The following TRIM44 variants were observed in gnomAD, a reference collection of about 807,000 sequenced individuals.
TRIM44 encodes tripartite motif containing 44.
In TRIM44, 13 loss-of-function variants were observed where a neutral mutation model predicts 37.4. The ratio of observed to expected loss-of-function variants is 0.35; its 90% CI spans 0.23 to 0.55. The LOEUF (loss-of-function observed/expected upper bound fraction) is 0.55. TRIM44 is among the 20% of genes least tolerant of loss of function. The pLI is 0.89. For missense variants in TRIM44, 426 were observed against 437.2 expected, an observed-to-expected ratio of 0.97 and a Z score of 0.23; for synonymous variants, 175 against 157.2, an observed-to-expected ratio of 1.11 and a Z score of -0.85.
chr11:35,795,588 A>T (rs1419062770), intron 4 of TRIM44, among the ~76,000 whole-genome samples: 4 of 152,222 alleles, frequency 2.6e-5, no homozygotes, highest in South Asian at 2.1e-4. Context: ...TTATTTTTTA[A>T]ATGGCCTGTA....
intron 4 of TRIM44, among the ~76,000 whole-genome samples, chr11:35,746,471 A>G (rs1175556686): frequency 1.1e-4 from 1 of 9,076 alleles, no homozygotes; most frequent in African/African-American, 4.2e-4. Flanking sequence ...TTTTTTTTGT[A>G]GCTCTATGTC....
intron 1 of TRIM44, among the ~76,000 whole-genome samples, chr11:35,672,852 A>G (rs1851413628): frequency 6.6e-6 from 1 of 152,166 alleles, no homozygotes; most frequent in Admixed American, 6.5e-5. Context: ...TTCTAATTAG[A>G]GTTTGTAGCA....
intron 2 of TRIM44, among the ~76,000 whole-genome samples, chr11:35,708,971 G>GA: frequency 1.0e-5 from 1 of 96,526 alleles, no homozygotes; most frequent in African/African-American, 5.3e-5. Context: ...AACATGCACT[G>GA]ATGTTGCCAT....
chr11:35,742,472 AATT>A (rs112029099), intron 4 of TRIM44, among the ~76,000 whole-genome samples: 2,687 of 134,328 alleles, frequency 0.02, 115 homozygotes, highest in African/African-American at 0.058. Context: ...CAATTAATAT[AATT>A]ATATTAATTG....
At chr11:35,723,714 A>T (rs141229309) in intron 2 of TRIM44, among the ~76,000 whole-genome samples, 1 of 152,332 alleles carries the variant, frequency 6.6e-6, no homozygotes, top group African/African-American at 2.4e-5. Context: ...CCACATGTGT[A>T]TGTGAAGTCT....
rs1853511310 is a variant in TRIM44 at position 35,810,169 on chromosome 11, C to CT, written c.*3785dup. ...CCAGCCATTTTGGTGACCTGAGAGT[C>CT]TAACTACTCCAGTTAGACCTAAGGG... On this transcript the variant is annotated 3_prime_UTR_variant, in exon 5 of 5. Transcript: ENST00000299413. The CT allele has an allele frequency of 6.6e-6, 1 of 152,134 alleles. No individual in the cohort carries two copies. The highest frequency in any genetic ancestry group is 6.6e-5 in the Admixed American group (1 of 15,266). 9.4% of individuals were successfully genotyped at this position (152,134 alleles called of 1,614,324 possible).
At chr11:35,790,322 A>G (rs986345964) in intron 4 of TRIM44, among the ~76,000 whole-genome samples, 4 of 152,180 alleles carry the variant, frequency 2.6e-5, no homozygotes, top group African/African-American at 9.7e-5. Flanking sequence ...AACAATTTTA[A>G]TAGGGACTTT....
chr11:35,801,961 G>A (rs776984105), intron 4 of TRIM44, among the ~76,000 whole-genome samples: 3 of 151,734 alleles, frequency 2.0e-5, no homozygotes, highest in Non-Finnish European at 2.9e-5. Context: ...AGTGTAAATC[G>A]TTGCTAAGGG....
chr11:35,712,623 C>T (rs538832343), intron 2 of TRIM44, among the ~76,000 whole-genome samples: 1 of 152,252 alleles, frequency 6.6e-6, no homozygotes, highest in African/African-American at 2.4e-5. Context: ...ATAAAATTAA[C>T]ACTTTGTGAT....
chr11:35,716,472 T>A (rs1187950745), intron 2 of TRIM44, among the ~76,000 whole-genome samples: 1 of 151,954 alleles, frequency 6.6e-6, no homozygotes, highest in Non-Finnish European at 1.5e-5. Context: ...TGGAAGGGAA[T>A]ACAAATAAAA....
rs1415145614 is a variant in TRIM44, at chr11:35,817,742, A to T, written c.*11357A>T. The T allele has an allele frequency of 1.3e-5, 2 of 152,112 alleles. No homozygotes were observed. Among genetic ancestry groups the T allele is most frequent in the African/African-American group, 2.4e-5 (1 of 41,430 alleles). 9.4% of individuals were successfully genotyped at this position (152,112 alleles called of 1,614,324 possible). A position where few individuals can be genotyped will look rare whatever the true frequency, so the allele number is the denominator to read the frequency against. On this transcript the variant is annotated 3_prime_UTR_variant, in exon 5 of 5. Coordinates refer to ENST00000299413, the MANE Select transcript of TRIM44 (RefSeq NM_017583.6). ...AGGTGGGACCTGGTGGGAAGATTGG[A>T]TCATGGGGGAGTTTTCTCATGATTT...
intron 2 of TRIM44, among the ~76,000 whole-genome samples, chr11:35,703,302 C>T (rs1052142973): frequency 2.0e-5 from 3 of 152,234 alleles, no homozygotes; most frequent in Non-Finnish European, 4.4e-5. Flanking sequence ...GGCCTGCCTG[C>T]CTCTGTAGGC....
rs146911837 is a variant in TRIM44 at position 35,803,636 on chromosome 11, G to A, written c.1008-2722G>A. Among the ~76,000 whole-genome samples the A allele has an allele frequency of 5.1e-3, 778 of 152,232 alleles. 9 individuals carry two copies. Among genetic ancestry groups the A allele is most frequent in the African/African-American group, 0.018 (738 of 41,532 alleles). On this transcript the variant is annotated intron_variant, in intron 4 of 4. Coordinates refer to ENST00000299413, the MANE Select transcript of TRIM44 (RefSeq NM_017583.6). The stretch of plus-strand genomic sequence containing the variant: ...CTCAGGAGGCTGAGGCAGGAGAATC[G>A]CTTGAACCCGGGAGGCGGAGATTAC...
intron 4 of TRIM44, among the ~76,000 whole-genome samples, chr11:35,775,520 G>T (rs1270001641): frequency 1.3e-5 from 2 of 152,176 alleles, no homozygotes; most frequent in Non-Finnish European, 2.9e-5. Context: ...AATAGGAGTG[G>T]TGAGAGAGGG....
intron 4 of TRIM44, among the ~76,000 whole-genome samples, chr11:35,771,538 A>G (rs1210894615): frequency 1.3e-5 from 2 of 152,190 alleles, no homozygotes; most frequent in African/African-American, 4.8e-5. Flanking sequence ...AGCCTGGCCA[A>G]CATAGTGAAA....
Position 35,807,994 on chromosome 11 carries a change from C to CTGAT in TRIM44, c.*1612_*1615dup, listed in dbSNP as rs1364603940. The CTGAT allele has an allele frequency of 2.0e-5, 3 of 152,118 alleles. No homozygotes were observed. The highest frequency in any genetic ancestry group is 4.4e-5 in the Non-Finnish European group (3 of 68,024). 9.4% of individuals were successfully genotyped at this position (152,118 alleles called of 1,614,324 possible). ...TACGTATTACAGGCTTTAGGACCAG[C>CTGAT]TGATTGTTATGCTTGCAGGATGGTT... On this transcript the variant is annotated 3_prime_UTR_variant, in exon 5 of 5. Coordinates refer to ENST00000299413, the MANE Select transcript of TRIM44 (RefSeq NM_017583.6).
intron 4 of TRIM44, among the ~76,000 whole-genome samples, chr11:35,774,314 G>A (rs1852919917): frequency 6.6e-6 from 1 of 151,848 alleles, no homozygotes; most frequent in Admixed American, 6.6e-5. Flanking sequence ...TTTTTGATGG[G>A]GTTGATTTTT....
chr11:35,750,991 A>T (rs1852552685), intron 4 of TRIM44, among the ~76,000 whole-genome samples: 1 of 152,110 alleles, frequency 6.6e-6, no homozygotes, highest in Non-Finnish European at 1.5e-5. Flanking sequence ...CACCATAAAT[A>T]AGTTTTATGT....
At chr11:35,702,427 C>T (rs1851801466) in intron 2 of TRIM44, among the ~76,000 whole-genome samples, 1 of 152,190 alleles carries the variant, frequency 6.6e-6, no homozygotes, top group South Asian at 2.1e-4. Flanking sequence ...GGGCTGCCCT[C>T]CTGTTTCTGC....
Sources: allele counts gnomAD v4.1 joint callset (sites outside exome capture counted in the v4.1 genomes callset), GRCh38; gene constraint gnomAD v4.1.1; transcripts MANE v1.5; gene names NCBI Gene and HGNC (gene_info 2026-07-23, HGNC 2026-07-21).